GNG2: variants seen among roughly 807,000 people sequenced by gnomAD.
The protein encoded by GNG2 is guanine nucleotide-binding protein G(I)/G(S)/G(O) subunit gamma-2.
A neutral mutation model predicts 5.5 loss-of-function variants in GNG2; 5 were observed. That is an observed-to-expected ratio of 0.91 (90% CI 0.48 to 1.92). GNG2 has a LOEUF of 1.92. Ranked by LOEUF, GNG2 falls within the 30% of genes most tolerant of loss-of-function variation. The probability of loss-of-function intolerance (pLI) is 0.01; values close to 1 mark genes in which losing one functional copy is unlikely to be tolerated. For missense variants in GNG2, 55 were observed against 88.4 expected (o/e 0.62, Z 1.52); for synonymous variants, 28 against 32.0 (o/e 0.88, Z 0.42).
chr14:51,916,344 T>G lies in GNG2; in HGVS notation c.-29-34306T>G, dbSNP rs1886619192. 8.0e-6 allele frequency: 3 copies of G among 377,246 alleles called. No individual in the cohort carries two copies. In the Admixed American group the frequency reaches 1.1e-4, roughly 13 times the overall value. The allele number at this position is 377,246 out of a possible 1,614,324, so 23.4% of individuals were successfully genotyped here. A position where few individuals can be genotyped will look rare whatever the true frequency, so the allele number is the denominator to read the frequency against. ...CCATTATTTGCCCCGTAGAGATAAA[T>G]GGAGTAGTTGAGAATAGTGCACCGT... is the stretch of plus-strand genomic sequence containing the variant. On this transcript the variant is annotated intron_variant, in intron 2 of 3. Transcript: ENST00000556766.
At chr14:51,912,262 G>C (rs916885335) in intron 2 of GNG2, among the ~76,000 whole-genome samples, 2 of 152,148 alleles carry the variant, frequency 1.3e-5, no homozygotes, top group African/African-American at 4.8e-5. Context: ...GGGAGATATA[G>C]TAAGAATGGC....
At chr14:51,946,947 A>G (rs1426629826) in intron 2 of GNG2, among the ~76,000 whole-genome samples, 2 of 152,130 alleles carry the variant, frequency 1.3e-5, no homozygotes, top group Non-Finnish European at 2.9e-5. Context: ...AAAAAAAGGG[A>G]AAAATGCACT....
intron 1 of GNG2, among the ~76,000 whole-genome samples, chr14:51,863,024 G>A (rs1882630352): frequency 6.9e-6 from 1 of 145,680 alleles, no homozygotes; most frequent in Non-Finnish European, 1.5e-5. Context: ...ATGGCTGAAT[G>A]GAAACATGAC....
intron 2 of GNG2, among the ~76,000 whole-genome samples, chr14:51,899,722 A>G (rs1486107971): frequency 6.6e-6 from 1 of 152,176 alleles, no homozygotes; most frequent in Non-Finnish European, 1.5e-5. Flanking sequence ...TTCTGTCTCT[A>G]TGAATTTGAC....
At chr14:51,855,000 TCTC>T (rs1882087987) in intron 2 of GNG2, among the ~76,000 whole-genome samples, 1 of 152,074 alleles carries the variant, frequency 6.6e-6, no homozygotes, top group East Asian at 1.9e-4. Context: ...ATCCCCTTCC[TCTC>T]CTCATCAACA....
intron 2 of GNG2, among the ~76,000 whole-genome samples, chr14:51,832,348 G>A (rs1881221918): frequency 6.7e-6 from 1 of 149,826 alleles, no homozygotes; most frequent in African/African-American, 2.4e-5. Flanking sequence ...AGAATTTAAT[G>A]TGTGTATATA....
At chr14:51,913,954 T>C (rs769363346) in intron 2 of GNG2, among the ~76,000 whole-genome samples, 24 of 152,332 alleles carry the variant, frequency 1.6e-4, no homozygotes, top group South Asian at 6.2e-4. Context: ...TACATATGTT[T>C]CATTTCATAT....
chr14:51,840,820 T>C (rs1224531089), intron 2 of GNG2, among the ~76,000 whole-genome samples: 2 of 152,344 alleles, frequency 1.3e-5, no homozygotes, highest in African/African-American at 4.8e-5. Context: ...TTCTTTCTTT[T>C]ATATCAGTTA....
chr14:51,870,227 C>G lies in GNG2; in HGVS notation c.-70-7390C>G, dbSNP rs185160244. ...ATATAACAAACCTGCACGTGTACCCCTGAACCTAAAAGAAAATATTAAGAA... is the reference window on the plus strand; with the variant it reads ...ATATAACAAACCTGCACGTGTACCCGTGAACCTAAAAGAAAATATTAAGAA... On this transcript the variant is annotated intron_variant, in intron 1 of 3. Coordinates refer to ENST00000556766, the MANE Select transcript of GNG2 (RefSeq NM_053064.5). Among the ~76,000 whole-genome samples the G allele has an allele frequency of 4.0e-5, 6 of 151,806 alleles. 1 individual carries two copies. The East Asian group carries it at 1.2e-3, about 30-fold the overall frequency.
At chr14:51,862,449 T>C (rs528479047) in intron 1 of GNG2, among the ~76,000 whole-genome samples, 1 of 152,246 alleles carries the variant, frequency 6.6e-6, no homozygotes, top group South Asian at 2.1e-4. Context: ...CGATCCAGAA[T>C]GACCCAGTGG....
At chr14:51,857,854 A>G (rs540273808), upstream of GNG2, among the ~76,000 whole-genome samples, 3 of 152,322 alleles carry the variant, frequency 2.0e-5, no homozygotes, top group South Asian at 6.2e-4. Context: ...CAGGCTTTGG[A>G]TGAAGGTATA....
At chr14:51,932,645 A>C (rs1887735607) in intron 2 of GNG2, among the ~76,000 whole-genome samples, 1 of 152,128 alleles carries the variant, frequency 6.6e-6, no homozygotes, top group Admixed American at 6.5e-5. Flanking sequence ...AATAAAATAA[A>C]AATAATTGTG....
At position 51,966,621 on chromosome 14, in the gene GNG2, C is replaced by T. The variant is rs61740049; in HGVS notation, c.150C>T (p.Leu50=). The change falls in exon 4 of 4, where the codon CTC becomes CTT. Residue 50 remains leucine (L), a synonymous_variant. Transcript: ENST00000556766. ...YCEAHAKEDP[L]LTPVPASENP... ...AAGCACATGCCAAGGAAGACCCCCT[C>T]CTGACCCCTGTTCCGGCTTCAGAAA... 8,250 of 1,613,300 alleles carry T rather than the reference C, an allele frequency of 5.1e-3. 131 individuals are homozygous for T. Among genetic ancestry groups the T allele is most frequent in the South Asian group, 0.037 (3,360 of 91,062 alleles).
At chr14:51,908,567 T>TCTATCC (rs1886095210) in intron 2 of GNG2, among the ~76,000 whole-genome samples, 3 of 148,430 alleles carry the variant, frequency 2.0e-5, no homozygotes, top group Non-Finnish European at 4.5e-5. Flanking sequence ...TCTATCCATA[T>TCTATCC]ATATAGAGAG....
intron 2 of GNG2, among the ~76,000 whole-genome samples, chr14:51,881,131 C>T (rs1180114938): frequency 6.6e-6 from 1 of 152,136 alleles, no homozygotes; most frequent in Non-Finnish European, 1.5e-5. Context: ...ACTGAGGTGA[C>T]CACAGGACCT....
chr14:51,855,926 A>C (rs1419643475), upstream of GNG2, among the ~76,000 whole-genome samples: 3 of 152,218 alleles, frequency 2.0e-5, no homozygotes, highest in Non-Finnish European at 4.4e-5. Flanking sequence ...TAATCCCAGC[A>C]CTTTGGGAGG....
intron 2 of GNG2, among the ~76,000 whole-genome samples, chr14:51,945,927 C>A (rs1021156709): frequency 2.2e-5 from 3 of 137,584 alleles, no homozygotes; most frequent in African/African-American, 7.7e-5. Flanking sequence ...GTTTAAGATT[C>A]TTTGTTTTGT....
intron 2 of GNG2, among the ~76,000 whole-genome samples, chr14:51,830,598 CT>C (rs1341308922): frequency 6.6e-6 from 1 of 152,234 alleles, no homozygotes; most frequent in East Asian, 1.9e-4. Context: ...CAATTCATGT[CT>C]TCTTTTCACT....
intron 2 of GNG2, among the ~76,000 whole-genome samples, chr14:51,842,064 G>C (rs922093038): frequency 3.3e-4 from 50 of 152,128 alleles, no homozygotes; most frequent in Non-Finnish European, 2.9e-5. Flanking sequence ...AGCTCTCCTA[G>C]TTGGTTACCA....
Sources: gnomAD v4.1 joint callset for allele counts (sites outside exome capture counted in the v4.1 genomes callset) on GRCh38, gnomAD v4.1.1 for gene constraint, MANE v1.5 for transcripts, NCBI Gene and HGNC (gene_info 2026-07-23, HGNC 2026-07-21) for gene names.